The following B4GALT2 variants were observed in gnomAD, a reference collection of about 807,000 sequenced individuals.
B4GALT2 encodes the protein beta-1,4-galactosyltransferase 2.
In B4GALT2, 18 loss-of-function variants were observed where a neutral mutation model predicts 33.2. That is an observed-to-expected ratio of 0.54 (90% CI 0.38 to 0.80). B4GALT2 has a LOEUF of 0.80. B4GALT2 is among the 30% of genes least tolerant of loss of function. B4GALT2 has a pLI of 0.00. For missense variants in B4GALT2, 404 were observed against 526.2 expected (o/e 0.77, Z 2.27); for synonymous variants, 214 against 217.6 (o/e 0.98, Z 0.15).
At chr1:43,985,476 C>G (rs1239144295) in intron 5 of B4GALT2, 41 bp from the exon 6 acceptor site, 1 of 1,591,584 alleles carries the variant, frequency 6.3e-7, no homozygotes, top group Non-Finnish European at 8.6e-7. Flanking sequence ...GTTCTTTGCC[C>G]TTCCTGGAGC....
chr1:43,980,679 G>T, intron 1 of B4GALT2: 1 of 798,016 alleles, frequency 1.3e-6, no homozygotes, highest in Non-Finnish European at 1.6e-6. Flanking sequence ...TAAGGATGCT[G>T]CCATGTGAGG....
chr1:43,985,113 A>T, intron 4 of B4GALT2, 58 bp downstream of exon 4: 1 of 1,594,140 alleles, frequency 6.3e-7, no homozygotes, highest in Non-Finnish European at 8.6e-7. Flanking sequence ...ACGCAGGCCC[A>T]CTTCCAGCCC....
chr1:43,981,578 T>G lies in B4GALT2; in HGVS notation c.313+105T>G. 1 of 1,529,190 alleles carries G rather than the reference T, an allele frequency of 6.5e-7. No homozygotes were observed. The highest frequency in any genetic ancestry group is 8.8e-7 in the Non-Finnish European group (1 of 1,137,024). The allele number at this position is 1,529,190 out of a possible 1,614,324, so 94.7% of individuals were successfully genotyped here. A position where few individuals can be genotyped will look rare whatever the true frequency, so the allele number is the denominator to read the frequency against. On this transcript the variant is annotated intron_variant, in intron 2 of 6. Transcript: ENST00000372324. This position sits in a 1 kb window ranked among gnomAD's most constrained non-coding sequence, Gnocchi z 8.1. ...GGGTGTGCCAGGGGTCCAGGTCTGT[T>G]GTAAGAGGGCTATTCTTGGGGTTCC...
chr1:43,980,898 G>A (rs1387621458), intron 1 of B4GALT2, among the ~76,000 whole-genome samples: 1 of 152,186 alleles, frequency 6.6e-6, no homozygotes, highest in Non-Finnish European at 1.5e-5. Context: ...TAGTAGTGGG[G>A]TGTGCTTGAG....
chr1:43,990,570 C>T lies in B4GALT2; in HGVS notation c.*122C>T. The T allele has an allele frequency of 7.4e-7, 1 of 1,355,644 alleles. No homozygotes were observed. The highest frequency in any genetic ancestry group is 1.5e-5 in the African/African-American group (1 of 68,930). 84.0% of individuals were successfully genotyped at this position (1,355,644 alleles called of 1,614,324 possible). On this transcript the variant is annotated 3_prime_UTR_variant, in exon 7 of 7. Transcript: ENST00000372324. ...AGACTGGGCTCTGTTTTCCAAGGGT[C>T]TTCACTAGGCCCCCTAGCTACACCT...
chr1:43,985,443 A>AGG (rs61096284), intron 5 of B4GALT2, 43 bp downstream of exon 5: 154,930 of 402,570 alleles, frequency 0.38, 20,297 homozygotes, highest in Non-Finnish European at 0.43. Flanking sequence ...TGGGGGGGGG[A>AGG]GGGGGGGTGC....
chr1:43,984,309 C>T lies in B4GALT2; in HGVS notation c.550-556C>T, dbSNP rs544238296. On this transcript the variant is annotated intron_variant, in intron 3 of 6. Transcript: ENST00000372324. This position sits in a 1 kb window ranked among gnomAD's most constrained non-coding sequence, Gnocchi z 5.6. Reference sequence around the variant, plus strand: ...TTAGACACTGGTCATTTGGGGCATTCGTTGTTTGTCTCACTGCATGACTCT... The same window carrying T: ...TTAGACACTGGTCATTTGGGGCATTTGTTGTTTGTCTCACTGCATGACTCT... Among the ~76,000 whole-genome samples the T allele has an allele frequency of 5.9e-5, 9 of 152,346 alleles. No individual in the cohort carries two copies. The South Asian group carries it at 1.9e-3, about 32-fold the overall frequency.
intron 6 of B4GALT2, among the ~76,000 whole-genome samples, chr1:43,988,689 C>A (rs1272530977): frequency 2.6e-5 from 4 of 150,952 alleles, no homozygotes; most frequent in South Asian, 2.1e-4. Context: ...TCTCAAAAAA[C>A]CAAAACAAAA....
chr1:43,985,445 G>A (rs759135530), intron 5 of B4GALT2, 45 bp downstream of exon 5: 3 of 862,340 alleles, frequency 3.5e-6, no homozygotes, highest in Non-Finnish European at 3.6e-6. Context: ...GGGGGGGGAG[G>A]GGGGGTGCAG....
rs1215861868 is a variant in B4GALT2, at chr1:43,984,017, G to T, written c.550-848G>T. Among the ~76,000 whole-genome samples the T allele has an allele frequency of 2.0e-5, 3 of 152,218 alleles. No homozygotes were observed. Among genetic ancestry groups the T allele is most frequent in the African/African-American group, 4.8e-5 (2 of 41,450 alleles). On this transcript the variant is annotated intron_variant, in intron 3 of 6. Transcript: ENST00000372324. This position sits in a 1 kb window ranked among gnomAD's most constrained non-coding sequence, Gnocchi z 5.6. Reference sequence around the variant, plus strand: ...TCTGGTTCTAGCCTGGAGACTGCAGGTTGGGGCAGGGGCTCAGGGGTCAGC... The same window carrying T: ...TCTGGTTCTAGCCTGGAGACTGCAGTTTGGGGCAGGGGCTCAGGGGTCAGC...
chr1:43,988,455 C>T (rs1349686279), intron 6 of B4GALT2, among the ~76,000 whole-genome samples: 4 of 151,402 alleles, frequency 2.6e-5, no homozygotes, highest in East Asian at 1.9e-4. Flanking sequence ...GTCAGTAGTT[C>T]GAGACCAGCC....
rs150912391 is a variant in B4GALT2, at chr1:43,983,769, G to A, written c.550-1096G>A. 7.8e-3 allele frequency among the ~76,000 whole-genome samples: 1,185 copies of A among 152,276 alleles called. 12 individuals carry two copies. The highest frequency in any genetic ancestry group is 0.027 in the African/African-American group (1,107 of 41,546). On this transcript the variant is annotated intron_variant, in intron 3 of 6. Coordinates refer to ENST00000372324, the MANE Select transcript of B4GALT2 (RefSeq NM_003780.5). ...GCTCCTGGCTGGTGAGAGGTCAGAA[G>A]GAGTGCTGCTGAGCTGGGAGGAAAG...
chr1:43,984,945 C>T lies in B4GALT2; in HGVS notation c.630C>T (p.Asp210=), dbSNP rs2085638420. 1 of 1,614,128 alleles carries T rather than the reference C, an allele frequency of 6.2e-7. No homozygotes were observed. The highest frequency in any genetic ancestry group is 2.2e-5 in the East Asian group (1 of 44,882). The stretch of plus-strand genomic sequence containing the variant: ...CGCTGAAGGAGGATGCCGCCTATGA[C>T]TGCTTCATCTTCAGCGATGTGGACC... ...LEALKEDAAY[D]CFIFSDVDLV... is the part of the protein sequence containing the mutation. The change falls in exon 4 of 7, where the codon GAC becomes GAT. Residue 210 remains aspartate, a synonymous_variant. Coordinates refer to ENST00000372324, the MANE Select transcript of B4GALT2 (RefSeq NM_003780.5). The surrounding 1 kb of genome is among the most constrained non-coding windows in gnomAD (Gnocchi z 5.6).
intron 4 of B4GALT2, 74 bp downstream of exon 4, chr1:43,985,129 C>A: frequency 6.3e-7 from 1 of 1,583,498 alleles, no homozygotes; most frequent in African/African-American, 1.3e-5. Context: ...AGCCCCCGAG[C>A]CCCGCTTGCT....
Position 43,981,949 on chromosome 1 carries a change from C to A in B4GALT2, c.549+25C>A. 6.2e-7 allele frequency: 1 copy of A among 1,608,626 alleles called. No individual in the cohort carries two copies. Reference sequence around the variant, plus strand: ...GGTGCCCATGCGGGGGTCCATGTGCCTGTTGGTGTATATATGTGGGTTGGG... The same window carrying A: ...GGTGCCCATGCGGGGGTCCATGTGCATGTTGGTGTATATATGTGGGTTGGG... On this transcript the variant is annotated intron_variant, in intron 3 of 6. Coordinates refer to ENST00000372324, the MANE Select transcript of B4GALT2 (RefSeq NM_003780.5). The surrounding 1 kb of genome is among the most constrained non-coding windows in gnomAD (Gnocchi z 8.1).
In B4GALT2 at chr1:43,985,296, C is replaced by T. The variant is rs1282213091; in HGVS notation, c.759C>T (p.Tyr253=). The T allele has an allele frequency of 1.9e-6, 3 of 1,613,154 alleles. No homozygotes were observed. In the Admixed American group the frequency reaches 5.0e-5, roughly 27 times the overall value. The change falls in exon 5 of 7, where the codon TAC becomes TAT. Residue 253 remains tyrosine (Y), a synonymous_variant. Coordinates refer to ENST00000372324, the MANE Select transcript of B4GALT2 (RefSeq NM_003780.5). ...GCCACAGGCTTCCCTATGCTGGCTA[C>T]TTTGGAGGTGTGTCAGGCCTGAGTA... is the stretch of plus-strand genomic sequence containing the variant. The part of the protein sequence containing the change: ...KFGFRLPYAG[Y]FGGVSGLSKA...
At position 43,990,343 on chromosome 1, in the gene B4GALT2, C is replaced by A; in HGVS notation, c.1014C>A (p.Gly338=). The A allele has an allele frequency of 1.2e-6, 2 of 1,614,196 alleles. No individual in the cohort carries two copies. The highest frequency in any genetic ancestry group is 1.7e-6 in the Non-Finnish European group (2 of 1,180,030). Residue 338 remains glycine, a synonymous_variant, in exon 7 of 7, where the codon GGC becomes GGA. Transcript: ENST00000372324. ...QNTKLTMKRD[G]IGSVRYQVLE... The stretch of plus-strand genomic sequence containing the variant: ...CGAAGCTGACCATGAAGCGGGACGG[C>A]ATTGGGTCAGTGCGGTACCAGGTCT...
chr1:43,979,814 T>A lies in B4GALT2; in HGVS notation c.-53+303T>A. 1.5e-5 allele frequency: 8 copies of A among 542,806 alleles called. No individual in the cohort carries two copies. Among genetic ancestry groups the A allele is most frequent in the East Asian group, 7.0e-5 (2 of 28,692 alleles). 33.6% of individuals were successfully genotyped at this position (542,806 alleles called of 1,614,324 possible). ...GCCTCATCCGCTGCCCTCCACCCAC[T>A]CCCCCTGCCCCCAGGCTCCACACCC... is the stretch of plus-strand genomic sequence containing the variant. On this transcript the variant is annotated intron_variant, in intron 1 of 6. Coordinates refer to ENST00000372324, the MANE Select transcript of B4GALT2 (RefSeq NM_003780.5). This position sits in a 1 kb window ranked among gnomAD's most constrained non-coding sequence, Gnocchi z 4.8.
intron 6 of B4GALT2, chr1:43,985,923 A>AG: frequency 2.2e-6 from 1 of 456,294 alleles, no homozygotes; most frequent in Non-Finnish European, 4.0e-6. Context: ...GTCATTGAGT[A>AG]GATTGCATTC....
Sources: allele counts gnomAD v4.1 joint callset (sites outside exome capture counted in the v4.1 genomes callset), GRCh38; gene constraint gnomAD v4.1.1; non-coding constraint Gnocchi (gnomAD v3.1); transcripts MANE v1.5; gene names NCBI Gene and HGNC (gene_info 2026-07-23, HGNC 2026-07-21).